The following LRRC3B variants were observed in gnomAD, a reference collection of about 807,000 sequenced individuals.
The protein encoded by LRRC3B is leucine-rich repeat-containing protein 3B.
Under a neutral mutation model 12.8 loss-of-function variants are expected in LRRC3B, and 2 were observed. The observed-to-expected ratio is 0.16, with a 90% CI of 0.06 to 0.49. The LOEUF (loss-of-function observed/expected upper bound fraction) is 0.49. Among genes scored for constraint, LRRC3B ranks in the 20% least tolerant of loss-of-function variants. The pLI is 0.96. For synonymous variants in LRRC3B, 132 were observed against 122.0 expected, an observed-to-expected ratio of 1.08 and a Z score of -0.54; for missense variants, 189 against 319.4, an observed-to-expected ratio of 0.59 and a Z score of 3.11.
At chr3:26,701,242 A>G (rs1299257068) in intron 1 of LRRC3B, 1 of 151,880 alleles carries the variant, frequency 6.6e-6, no homozygotes, top group Non-Finnish European at 1.5e-5. Flanking sequence ...GGGAAAGAGG[A>G]TTTAGTAAGT....
intron 1 of LRRC3B, among the ~76,000 whole-genome samples, chr3:26,690,421 T>A (rs902806443): frequency 6.6e-6 from 1 of 152,186 alleles, no homozygotes; most frequent in Non-Finnish European, 1.5e-5. Context: ...AATGCCAATC[T>A]GGTTTTATTT....
At chr3:26,676,007 T>TGACA (rs1005467742) in intron 1 of LRRC3B, among the ~76,000 whole-genome samples, 1 of 151,940 alleles carries the variant, frequency 6.6e-6, no homozygotes, top group Non-Finnish European at 1.5e-5. Context: ...TTTATTTTCA[T>TGACA]GACATTAACG....
At chr3:26,673,312 T>C (rs1164447546) in intron 1 of LRRC3B, among the ~76,000 whole-genome samples, 1 of 152,226 alleles carries the variant, frequency 6.6e-6, no homozygotes, top group Non-Finnish European at 1.5e-5. Context: ...ATACTGATTA[T>C]AATGCTGTGC....
At chr3:26,645,602 T>C (rs947388874) in intron 1 of LRRC3B, among the ~76,000 whole-genome samples, 7 of 152,086 alleles carry the variant, frequency 4.6e-5, no homozygotes, top group East Asian at 1.9e-4. Context: ...CAATAAATAT[T>C]TTTTGAATGC....
At chr3:26,636,916 C>CTTTCTTTCTT (rs1210162334) in intron 1 of LRRC3B, among the ~76,000 whole-genome samples, 1 of 71,070 alleles carries the variant, frequency 1.4e-5, no homozygotes, top group Non-Finnish European at 2.5e-5. Flanking sequence ...CTCTCTTTCT[C>CTTTCTTTCTT]TCTTTCTTTC....
At chr3:26,686,479 A>G (rs956317078) in intron 1 of LRRC3B, among the ~76,000 whole-genome samples, 3 of 152,092 alleles carry the variant, frequency 2.0e-5, no homozygotes, top group African/African-American at 7.2e-5. Flanking sequence ...TCCAATTTCC[A>G]TTTGGATCAT....
chr3:26,695,644 A>G (rs756178484), intron 1 of LRRC3B, among the ~76,000 whole-genome samples: 2 of 152,248 alleles, frequency 1.3e-5, no homozygotes, highest in African/African-American at 2.4e-5. Flanking sequence ...TAGAAAACAC[A>G]TAAAGGGCAT....
At chr3:26,661,149 C>T (rs1230872302) in intron 1 of LRRC3B, among the ~76,000 whole-genome samples, 1 of 152,138 alleles carries the variant, frequency 6.6e-6, no homozygotes, top group Non-Finnish European at 1.5e-5. Flanking sequence ...CTAACACTTG[C>T]ACACACACAT....
chr3:26,663,537 GCAAT>G (rs1361384093), intron 1 of LRRC3B, among the ~76,000 whole-genome samples: 3 of 152,050 alleles, frequency 2.0e-5, no homozygotes, highest in African/African-American at 7.2e-5. Context: ...TGTTGATTAG[GCAAT>G]TCTATATCAG....
intron 1 of LRRC3B, among the ~76,000 whole-genome samples, chr3:26,671,102 G>A (rs1242600137): frequency 3.2e-5 from 4 of 126,952 alleles, no homozygotes; most frequent in East Asian, 5.0e-4. Flanking sequence ...TGCAAGCTCC[G>A]CCTCCCGGGT....
chr3:26,658,372 A>T (rs943124418), intron 1 of LRRC3B, among the ~76,000 whole-genome samples: 4 of 152,194 alleles, frequency 2.6e-5, no homozygotes, highest in African/African-American at 9.7e-5. Context: ...CAGCTTTTCA[A>T]TGAAGCATAA....
chr3:26,636,478 T>C (rs1575114256), intron 1 of LRRC3B, among the ~76,000 whole-genome samples: 1 of 152,224 alleles, frequency 6.6e-6, no homozygotes, highest in East Asian at 1.9e-4. Flanking sequence ...CATATCTGGA[T>C]GCAGATGAGT....
At chr3:26,652,929 A>G (rs1010455912) in intron 1 of LRRC3B, among the ~76,000 whole-genome samples, 2 of 152,190 alleles carry the variant, frequency 1.3e-5, no homozygotes, top group African/African-American at 4.8e-5. Flanking sequence ...TTATTATGGC[A>G]TAATCTCATA....
At chr3:26,649,918 G>A (rs1699229949) in intron 1 of LRRC3B, among the ~76,000 whole-genome samples, 1 of 151,878 alleles carries the variant, frequency 6.6e-6, no homozygotes, top group South Asian at 2.1e-4. Flanking sequence ...CCCCCACTTG[G>A]AACTTTCTCC....
At chr3:26,681,661 G>A (rs1004855883) in intron 1 of LRRC3B, among the ~76,000 whole-genome samples, 2 of 152,120 alleles carry the variant, frequency 1.3e-5, no homozygotes, top group Non-Finnish European at 2.9e-5. Context: ...AATAAGGGCC[G>A]AATAAATGTC....
intron 1 of LRRC3B, among the ~76,000 whole-genome samples, chr3:26,649,305 T>C (rs1322150702): frequency 2.0e-5 from 3 of 152,206 alleles, no homozygotes; most frequent in Admixed American, 2.0e-4. Context: ...TCTACTGGTC[T>C]TAGTGGAAAA....
At chr3:26,695,964 C>G (rs1173339764) in intron 1 of LRRC3B, among the ~76,000 whole-genome samples, 1 of 152,194 alleles carries the variant, frequency 6.6e-6, no homozygotes, top group Non-Finnish European at 1.5e-5. Context: ...CAGATGTAAC[C>G]AAACCTTTCT....
intron 1 of LRRC3B, among the ~76,000 whole-genome samples, chr3:26,628,039 A>G (rs1186112999): frequency 6.6e-6 from 1 of 152,102 alleles, no homozygotes; most frequent in Non-Finnish European, 1.5e-5. Flanking sequence ...TCCTCATCTT[A>G]CTTATGTGGT....
At chr3:26,632,936 T>C (rs1698789187) in intron 1 of LRRC3B, among the ~76,000 whole-genome samples, 2 of 152,180 alleles carry the variant, frequency 1.3e-5, no homozygotes, top group African/African-American at 4.8e-5. Context: ...AGATATTGTG[T>C]TGGCATCATG....
Sources: allele counts gnomAD v4.1 joint callset (sites outside exome capture counted in the v4.1 genomes callset), GRCh38; gene constraint gnomAD v4.1.1; transcripts MANE v1.5; gene names NCBI Gene and HGNC (gene_info 2026-07-23, HGNC 2026-07-21).